ZNF536: variants seen among roughly 807,000 people sequenced by gnomAD.
ZNF536 encodes the protein zinc finger protein 536.
In ZNF536, 13 loss-of-function variants were observed where a neutral mutation model predicts 84.5. The ratio of observed to expected loss-of-function variants is 0.15; its 90% confidence interval spans 0.10 to 0.24. The LOEUF (loss-of-function observed/expected upper bound fraction) is 0.24, where lower values mean the gene tolerates loss of function less well. ZNF536 is among the 10% of genes least tolerant of loss of function. ZNF536 has a pLI of 1.00. For missense variants in ZNF536, 1,536 were observed against 1,747.5 expected, an observed-to-expected ratio of 0.88 and a Z score of 2.16; for synonymous variants, 811 against 742.5, an observed-to-expected ratio of 1.09 and a Z score of -1.50.
chr19:30,415,930 C>A (rs1405370394), intron 1 of ZNF536, among the ~76,000 whole-genome samples: 1 of 152,146 alleles, frequency 6.6e-6, no homozygotes, highest in Non-Finnish European at 1.5e-5. Flanking sequence ...ATTTTTCAAT[C>A]CTTAGCTCGC....
chr19:30,373,864 T>C (rs2048703751), intron 1 of ZNF536, among the ~76,000 whole-genome samples: 2 of 152,200 alleles, frequency 1.3e-5, no homozygotes, highest in Non-Finnish European at 2.9e-5. Flanking sequence ...CGGCCTGAGC[T>C]GCAGTGGGAG....
chr19:30,676,974 G>A (rs2147784425), intron 1 of ZNF536, among the ~76,000 whole-genome samples: 1 of 152,260 alleles, frequency 6.6e-6, no homozygotes, highest in Non-Finnish European at 1.5e-5. Flanking sequence ...CCAAAGTGCT[G>A]GGATAATAGT....
At chr19:30,426,745 A>G (rs542643437) in intron 1 of ZNF536, among the ~76,000 whole-genome samples, 179 of 152,296 alleles carry the variant, frequency 1.2e-3, no homozygotes, top group African/African-American at 4.0e-3. Flanking sequence ...GATGTAATCA[A>G]TGAGTCTGAT....
intron 1 of ZNF536, among the ~76,000 whole-genome samples, chr19:30,415,017 C>G (rs974692673): frequency 6.6e-6 from 1 of 152,168 alleles, no homozygotes; most frequent in Non-Finnish European, 1.5e-5. Flanking sequence ...TCTTCCTCTT[C>G]TTTTTCTTCT....
intron 3 of ZNF536, among the ~76,000 whole-genome samples, chr19:30,539,137 A>G (rs892841411): frequency 8.5e-5 from 13 of 152,086 alleles, no homozygotes; most frequent in Non-Finnish European, 1.3e-4. Flanking sequence ...ACACACACAC[A>G]CGCACACAGG....
At chr19:30,333,400 A>T (rs1271741563) in intron 2 of ZNF536, among the ~76,000 whole-genome samples, 4 of 152,168 alleles carry the variant, frequency 2.6e-5, no homozygotes, top group Non-Finnish European at 4.4e-5. Context: ...TTCTGCCATG[A>T]GGCGAGCTGG....
At chr19:30,699,798 C>T (rs2051821200) in intron 1 of ZNF536, among the ~76,000 whole-genome samples, 1 of 152,100 alleles carries the variant, frequency 6.6e-6, no homozygotes. Flanking sequence ...GGTAAATATT[C>T]AAAGGAAGCA....
intron 1 of ZNF536, among the ~76,000 whole-genome samples, chr19:30,588,129 C>A (rs1324007826): frequency 3.9e-5 from 6 of 152,218 alleles, no homozygotes; most frequent in South Asian, 2.1e-4. Context: ...ATCACAGATG[C>A]ACCTGCTGGG....
At position 30,346,901 on chromosome 19, in the gene ZNF536, T is replaced by C. The variant is rs190152511; in HGVS notation, c.-119-5467T>C. On this transcript the variant is annotated intron_variant, in intron 2 of 5. Coordinates refer to the ZNF536 transcript ENST00000585628. ...CTAGGTCAAATGGTATTTCTGTTTTTAGGTCTTTGAGGAATCAACACAGTC... is the reference window on the plus strand; with the variant it reads ...CTAGGTCAAATGGTATTTCTGTTTTCAGGTCTTTGAGGAATCAACACAGTC... 4.6e-5 allele frequency among the ~76,000 whole-genome samples: 7 copies of C among 152,226 alleles called. No individual in the cohort carries two copies. The East Asian group carries it at 1.2e-3, about 25-fold the overall frequency.
chr19:30,226,072 C>T (rs1409299165), upstream of ZNF536, among the ~76,000 whole-genome samples: 2 of 152,010 alleles, frequency 1.3e-5, no homozygotes, highest in South Asian at 2.1e-4. The surrounding 1 kb of genome is among the most constrained non-coding windows in gnomAD (Gnocchi z 4.6). Context: ...GTCCCGGGAC[C>T]GTTACTTTGA....
chr19:30,626,803 T>C (rs1012627683), intron 1 of ZNF536, among the ~76,000 whole-genome samples: 4 of 152,180 alleles, frequency 2.6e-5, no homozygotes, highest in African/African-American at 9.7e-5. Flanking sequence ...CCGCGCCAGA[T>C]AGGGATCCCG....
At chr19:30,642,726 G>A (rs1440329343) in intron 1 of ZNF536, among the ~76,000 whole-genome samples, 1 of 152,182 alleles carries the variant, frequency 6.6e-6, no homozygotes, top group African/African-American at 2.4e-5. Flanking sequence ...GCTGCAGACC[G>A]GTTGTCCAGA....
intron 1 of ZNF536, among the ~76,000 whole-genome samples, chr19:30,395,008 G>A (rs2049755145): frequency 6.6e-6 from 1 of 152,160 alleles, no homozygotes; most frequent in African/African-American, 2.4e-5. Flanking sequence ...GAAAATAAAT[G>A]TAATGTGTAT....
intron 2 of ZNF536, among the ~76,000 whole-genome samples, chr19:30,464,214 G>C (rs887184384): frequency 1.3e-5 from 2 of 152,170 alleles, no homozygotes; most frequent in Admixed American, 6.5e-5. Context: ...CTATGGACAC[G>C]ATGAAGGATT....
At chr19:30,609,753 CCTAT>C (rs1228754855) in intron 1 of ZNF536, among the ~76,000 whole-genome samples, 1 of 142,646 alleles carries the variant, frequency 7.0e-6, no homozygotes, top group Non-Finnish European at 1.5e-5. Flanking sequence ...CACCCATCCA[CCTAT>C]CCATCCACCC....
chr19:30,273,525 C>T (rs2145504827), intron 1 of ZNF536, among the ~76,000 whole-genome samples: 1 of 152,296 alleles, frequency 6.6e-6, no homozygotes, highest in African/African-American at 2.4e-5. Flanking sequence ...TATTTTCTGT[C>T]TGTATATCTT....
chr19:30,337,978 TATG>T (rs202132399), intron 2 of ZNF536, among the ~76,000 whole-genome samples: 196 of 150,710 alleles, frequency 1.3e-3, no homozygotes, highest in East Asian at 6.9e-3. Context: ...TGATTGTGAT[TATG>T]ATGATGATGA....
chr19:30,421,827 A>T (rs1306458067), intron 1 of ZNF536, among the ~76,000 whole-genome samples: 2 of 152,248 alleles, frequency 1.3e-5, no homozygotes, highest in East Asian at 1.9e-4. Flanking sequence ...TCTGTACACG[A>T]GAGCAGGCCC....
rs551178072 is a variant in ZNF536 at position 30,582,937 on chromosome 19, C to G, written c.169+33423C>G. Among the ~76,000 whole-genome samples the G allele has an allele frequency of 9.2e-5, 14 of 152,254 alleles. No individual in the cohort carries two copies. The South Asian group carries it at 2.5e-3, about 27-fold the overall frequency. On this transcript the variant is annotated intron_variant, in intron 1 of 1. Transcript: ENST00000592773. The stretch of plus-strand genomic sequence containing the variant: ...AGATGAGATTTGGATGGGGACACAG[C>G]CAAACCATATCAGATGTGGTCTCAC...
Sources: gnomAD v4.1 joint callset for allele counts (sites outside exome capture counted in the v4.1 genomes callset) on GRCh38, gnomAD v4.1.1 for gene constraint, Gnocchi (gnomAD v3.1) non-coding constraint, MANE v1.5 for transcripts, NCBI Gene and HGNC (gene_info 2026-07-23, HGNC 2026-07-21) for gene names.